Variants in TENM2 observed in about 807,000 individuals in gnomAD.
TENM2 encodes the protein teneurin-2.
In TENM2, 52 loss-of-function variants were observed where a neutral mutation model predicts 245.2. That is an observed-to-expected ratio of 0.21 (90% CI 0.17 to 0.27). TENM2 has a LOEUF of 0.27. Among genes scored for constraint, TENM2 ranks in the 10% least tolerant of loss-of-function variants. The probability of loss-of-function intolerance (pLI) is 1.00; values close to 1 mark genes in which losing one functional copy is unlikely to be tolerated. For synonymous variants in TENM2, 1,363 were observed against 1,438.9 expected (o/e 0.95, Z 1.19); for missense variants, 3,046 against 3,666.8 (o/e 0.83, Z 4.37).
the TENM2 span, among the ~76,000 whole-genome samples, chr5:167,195,853 C>A: frequency 6.6e-6 from 1 of 151,968 alleles, no homozygotes; most frequent in South Asian, 2.1e-4. Flanking sequence ...ACAGTCTGAT[C>A]TACACACCTG....
chr5:167,089,025 C>A, the TENM2 span, among the ~76,000 whole-genome samples: 1 of 152,146 alleles, frequency 6.6e-6, no homozygotes, highest in Non-Finnish European at 1.5e-5. Context: ...TAATCACAAG[C>A]CTTCCATAAT....
At chr5:167,467,019 T>C (rs985026911) in intron 2 of TENM2, among the ~76,000 whole-genome samples, 1 of 152,134 alleles carries the variant, frequency 6.6e-6, no homozygotes, top group African/African-American at 2.4e-5. Flanking sequence ...GAATCCTAAT[T>C]TTGGATTCAG....
chr5:167,716,884 A>T (rs930338498), intron 2 of TENM2, among the ~76,000 whole-genome samples: 4 of 132,154 alleles, frequency 3.0e-5, no homozygotes, highest in Non-Finnish European at 4.9e-5. Flanking sequence ...GTCTTTTTTT[A>T]TATTTTATTT....
intron 2 of TENM2, among the ~76,000 whole-genome samples, chr5:167,528,690 A>G (rs1041882205): frequency 9.9e-5 from 15 of 152,152 alleles, no homozygotes; most frequent in Admixed American, 2.0e-4. Context: ...GTGCTTAGCA[A>G]AGAAGATATG....
intron 19 of TENM2, 74 bp downstream of exon 21, chr5:168,204,695 G>A: frequency 2.6e-6 from 4 of 1,551,488 alleles, no homozygotes; most frequent in Middle Eastern, 1.7e-4. Flanking sequence ...GGGTAACTGG[G>A]GCTGCATTTG....
intron 2 of TENM2, among the ~76,000 whole-genome samples, chr5:167,597,712 C>T (rs1000202431): frequency 6.6e-6 from 1 of 151,300 alleles, no homozygotes; most frequent in African/African-American, 2.4e-5. Context: ...TTTTGTCACA[C>T]TTTAATATCT....
At chr5:168,027,445 A>G (rs1786726374) in intron 5 of TENM2, among the ~76,000 whole-genome samples, 1 of 152,174 alleles carries the variant, frequency 6.6e-6, no homozygotes. Flanking sequence ...AGACTGGAGT[A>G]CACAAAGAAA....
chr5:167,885,490 A>G (rs1774208188), intron 3 of TENM2, among the ~76,000 whole-genome samples: 2 of 152,128 alleles, frequency 1.3e-5, no homozygotes. Flanking sequence ...ACTAGGTTGT[A>G]GTGTTCTCCT....
At chr5:167,276,938 T>A in the TENM2 span, among the ~76,000 whole-genome samples, 2 of 152,170 alleles carry the variant, frequency 1.3e-5, no homozygotes, top group African/African-American at 4.8e-5. Context: ...ATCTTGTTCA[T>A]GTCTTCAGGG....
chr5:166,993,982 A>T, the TENM2 span, among the ~76,000 whole-genome samples: 2 of 152,052 alleles, frequency 1.3e-5, no homozygotes, highest in Non-Finnish European at 2.9e-5. Flanking sequence ...GTGAAAGATG[A>T]TCTTTTTTTC....
intron 5 of TENM2, among the ~76,000 whole-genome samples, chr5:168,001,617 C>T (rs749545812): frequency 9.9e-5 from 15 of 152,206 alleles, no homozygotes; most frequent in Non-Finnish European, 1.9e-4. Context: ...TGGCCTCATA[C>T]AACAGAAACC....
At chr5:167,607,147 C>T (rs1777112915) in intron 2 of TENM2, among the ~76,000 whole-genome samples, 1 of 152,116 alleles carries the variant, frequency 6.6e-6, no homozygotes, top group Non-Finnish European at 1.5e-5. Flanking sequence ...ATTCGGCACT[C>T]TGAGTCACTT....
the TENM2 span, among the ~76,000 whole-genome samples, chr5:167,100,731 A>C: frequency 2.0e-5 from 3 of 151,990 alleles, no homozygotes; most frequent in Admixed American, 2.0e-4. Context: ...CAACAAAGAG[A>C]GTTTTCCTTT....
At chr5:167,372,722 G>T (rs1746067709) in intron 1 of TENM2, among the ~76,000 whole-genome samples, 1 of 152,210 alleles carries the variant, frequency 6.6e-6, no homozygotes. Context: ...ACTCTGTCCA[G>T]AAGGAACTTG....
the TENM2 span, among the ~76,000 whole-genome samples, chr5:167,198,094 C>T: frequency 6.6e-6 from 1 of 151,858 alleles, no homozygotes; most frequent in African/African-American, 2.4e-5. Flanking sequence ...TTTCAAACTG[C>T]CCAGGGACAG....
At chr5:167,545,838 G>A (rs1308587043) in intron 2 of TENM2, among the ~76,000 whole-genome samples, 1 of 152,168 alleles carries the variant, frequency 6.6e-6, no homozygotes, top group Non-Finnish European at 1.5e-5. Flanking sequence ...CCCTCCATGA[G>A]TAAATTTGAC....
At chr5:167,812,070 A>G (rs999818065) in intron 2 of TENM2, among the ~76,000 whole-genome samples, 2 of 152,220 alleles carry the variant, frequency 1.3e-5, no homozygotes, top group African/African-American at 4.8e-5. Flanking sequence ...AATTATACCC[A>G]ATGTTTAAAA....
the TENM2 span, among the ~76,000 whole-genome samples, chr5:167,031,621 A>G: frequency 1.3e-5 from 2 of 152,010 alleles, no homozygotes; most frequent in Non-Finnish European, 1.5e-5. Context: ...CTGGAGTGCA[A>G]TGGTGCCATC....
chr5:168,133,718 A>C (rs1056563380), intron 12 of TENM2, among the ~76,000 whole-genome samples: 1 of 152,192 alleles, frequency 6.6e-6, no homozygotes, highest in African/African-American at 2.4e-5. Context: ...ACATTGAAAA[A>C]CTTCCTTGCA....
Sources: allele counts gnomAD v4.1 joint callset (sites outside exome capture counted in the v4.1 genomes callset), GRCh38; gene constraint gnomAD v4.1.1; transcripts MANE v1.5; gene names NCBI Gene and HGNC (gene_info 2026-07-23, HGNC 2026-07-21).